Variants in BLTP1 observed in about 807,000 individuals in gnomAD.
BLTP1 encodes the protein bridge-like lipid transfer protein family member 1.
chr4:122,194,666 G>A, the BLTP1 span: 1 of 936,378 alleles, frequency 1.1e-6, no homozygotes, highest in Non-Finnish European at 1.3e-6. Context: ...CATGAAGTGT[G>A]TTTGCATTTT....
the BLTP1 span, chr4:122,359,948 T>A: frequency 3.8e-5 from 37 of 985,282 alleles, no homozygotes; most frequent in Non-Finnish European, 4.5e-5. Context: ...TGATGAGTTG[T>A]CCAATGGGTG....
At chr4:122,290,808 A>AAAT in the BLTP1 span, 7 of 97,078 alleles carry the variant, frequency 7.2e-5, 1 homozygote, top group African/African-American at 3.5e-4. Context: ...AAAAAAAAAA[A>AAAT]ATATACACAC....
chr4:122,258,570 G>A, the BLTP1 span: 2 of 1,202,816 alleles, frequency 1.7e-6, no homozygotes, highest in East Asian at 2.7e-5. Flanking sequence ...TTGGGGTGGG[G>A]GAGAAAATAA....
the BLTP1 span, among the ~76,000 whole-genome samples, chr4:122,340,313 C>G: frequency 6.6e-6 from 1 of 151,840 alleles, no homozygotes; most frequent in Admixed American, 6.6e-5. Flanking sequence ...TTGCATTAAG[C>G]GTGAAAAAAA....
chr4:122,311,589 T>C, the BLTP1 span, among the ~76,000 whole-genome samples: 1 of 152,048 alleles, frequency 6.6e-6, no homozygotes, highest in Non-Finnish European at 1.5e-5. Flanking sequence ...TTTTAAAACA[T>C]ACTCTAAAAA....
At chr4:122,331,260 G>GA in the BLTP1 span, 21 of 1,507,376 alleles carry the variant, frequency 1.4e-5, no homozygotes, top group South Asian at 2.8e-4. Flanking sequence ...TAACATGTTG[G>GA]AAAATAGTTT....
At chr4:122,302,218 CAT>C in the BLTP1 span, 1 of 952,366 alleles carries the variant, frequency 1.1e-6, no homozygotes, top group African/African-American at 1.8e-5. Context: ...CAAAATGAAA[CAT>C]AATGGGAAAA....
the BLTP1 span, chr4:122,174,231 C>T: frequency 2.2e-4 from 212 of 985,062 alleles, no homozygotes; most frequent in African/African-American, 3.6e-3. Flanking sequence ...CTGGTTCCTG[C>T]AGTCACTCAA....
At chr4:122,254,721 C>A in the BLTP1 span, 1 of 1,290,186 alleles carries the variant, frequency 7.8e-7, no homozygotes, top group Non-Finnish European at 1.0e-6. Flanking sequence ...AGTAAAACAA[C>A]CACTAAGTAC....
the BLTP1 span, chr4:122,237,671 TA>T: frequency 4.1e-6 from 3 of 734,640 alleles, no homozygotes; most frequent in African/African-American, 3.8e-5. Flanking sequence ...GATATATTTC[TA>T]AAACGTTTAA....
the BLTP1 span, among the ~76,000 whole-genome samples, chr4:122,255,507 G>T: frequency 6.6e-6 from 1 of 152,068 alleles, no homozygotes; most frequent in Non-Finnish European, 1.5e-5. Context: ...TTAGCTGGGC[G>T]TGCTGGCTGT....
chr4:122,238,490 G>C, the BLTP1 span: 1 of 652,352 alleles, frequency 1.5e-6, no homozygotes, highest in Non-Finnish European at 2.6e-6. Flanking sequence ...ATTTTGAAAT[G>C]TCAGTTTGCT....
At chr4:122,219,754 A>G in the BLTP1 span, among the ~76,000 whole-genome samples, 1 of 151,950 alleles carries the variant, frequency 6.6e-6, no homozygotes, top group African/African-American at 2.4e-5. Flanking sequence ...GGTAATTTTT[A>G]TTTTCTATTT....
chr4:122,170,455 G>C, the BLTP1 span: 1 of 1,298,124 alleles, frequency 7.7e-7, no homozygotes, highest in Non-Finnish European at 9.8e-7. Flanking sequence ...TAGTAGAAAT[G>C]TGGGCATTTT....
chr4:122,283,510 G>A, the BLTP1 span, among the ~76,000 whole-genome samples: 5 of 151,886 alleles, frequency 3.3e-5, no homozygotes, highest in East Asian at 1.9e-4. Flanking sequence ...TTTCATATAC[G>A]TTGTTTATTT....
the BLTP1 span, chr4:122,314,009 TG>T: frequency 1.1e-6 from 1 of 946,582 alleles, no homozygotes; most frequent in African/African-American, 1.8e-5. Flanking sequence ...CATTGAAATA[TG>T]TGATATGTAC....
chr4:122,239,527 A>G, the BLTP1 span: 12,164 of 1,572,682 alleles, frequency 7.7e-3, 108 homozygotes, highest in South Asian at 0.03. Context: ...ATCCCTACAG[A>G]AATTTCAGGA....
chr4:122,208,688 T>C, the BLTP1 span: 62 of 977,340 alleles, frequency 6.3e-5, no homozygotes, highest in Non-Finnish European at 7.4e-5. Context: ...TGTTTTTCAA[T>C]TCAAATTTAG....
At chr4:122,331,806 AAC>A in the BLTP1 span, 4 of 957,108 alleles carry the variant, frequency 4.2e-6, no homozygotes, top group African/African-American at 1.8e-5. Flanking sequence ...GAATTCTTTT[AAC>A]ACACATGAAT....
Sources: allele counts gnomAD v4.1 joint callset (sites outside exome capture counted in the v4.1 genomes callset), GRCh38; gene constraint gnomAD v4.1.1; transcripts MANE v1.5; gene names NCBI Gene and HGNC (gene_info 2026-07-23, HGNC 2026-07-21).